Variants in ELFN1 observed in about 807,000 individuals in gnomAD.
The protein encoded by ELFN1 is protein ELFN1.
A neutral mutation model predicts 7.6 loss-of-function variants in ELFN1; 6 were observed. The observed-to-expected ratio is 0.79, with a 90% CI of 0.43 to 1.56. The LOEUF (loss-of-function observed/expected upper bound fraction) is 1.56. ELFN1 is among the 40% of genes most tolerant of loss of function. ELFN1 has a pLI of 0.01. For synonymous variants in ELFN1, 657 were observed against 588.1 expected, an observed-to-expected ratio of 1.12 and a Z score of -1.70; for missense variants, 1,169 against 1,232.2, an observed-to-expected ratio of 0.95 and a Z score of 0.77.
chr7:1,719,362 C>T (rs553755719), intron 3 of ELFN1, among the ~76,000 whole-genome samples: 9 of 149,610 alleles, frequency 6.0e-5, no homozygotes, highest in Admixed American at 1.3e-4. Context: ...GCCCCGCCCA[C>T]CAACAGGACC....
chr7:1,674,718 G>A (rs1278080561), intron 1 of ELFN1, among the ~76,000 whole-genome samples: 2 of 152,148 alleles, frequency 1.3e-5, no homozygotes, highest in Non-Finnish European at 2.9e-5. Context: ...AGAGACTGGT[G>A]GAAGGGACAG....
intron 2 of ELFN1, among the ~76,000 whole-genome samples, chr7:1,701,793 A>C (rs1475180084): frequency 6.6e-6 from 1 of 152,144 alleles, no homozygotes; most frequent in Non-Finnish European, 1.5e-5. Context: ...ACAGAGTGAG[A>C]CCCTATCTCA....
At chr7:1,668,105 G>A (rs1778699883), upstream of ELFN1, among the ~76,000 whole-genome samples, 1 of 152,140 alleles carries the variant, frequency 6.6e-6, no homozygotes, top group African/African-American at 2.4e-5. Flanking sequence ...CGCCTCCCAC[G>A]GCCCCGCGCG....
chr7:1,684,845 T>A (rs979371045), intron 1 of ELFN1, among the ~76,000 whole-genome samples: 9 of 152,220 alleles, frequency 5.9e-5, no homozygotes, highest in Non-Finnish European at 1.0e-4. Context: ...AAATATTGCT[T>A]TATACAATCT....
At chr7:1,693,767 C>T (rs1259276278) in intron 2 of ELFN1, 1 of 471,000 alleles carries the variant, frequency 2.1e-6, no homozygotes, top group South Asian at 1.5e-5. Context: ...CTGGGAGACC[C>T]TGATCAGTGC....
chr7:1,672,236 AGG>A (rs1397527718), intron 1 of ELFN1, among the ~76,000 whole-genome samples: 1 of 152,164 alleles, frequency 6.6e-6, no homozygotes, highest in Non-Finnish European at 1.5e-5. Context: ...CCAGGACCAG[AGG>A]AGGGGAGGGA....
intron 1 of ELFN1, among the ~76,000 whole-genome samples, chr7:1,678,808 C>T (rs1263957548): frequency 2.6e-5 from 4 of 152,222 alleles, no homozygotes; most frequent in African/African-American, 7.2e-5. Flanking sequence ...GGTGACTACC[C>T]GGCTTAGCGA....
chr7:1,698,897 C>T (rs1165178436), intron 2 of ELFN1, among the ~76,000 whole-genome samples: 1 of 152,152 alleles, frequency 6.6e-6, no homozygotes, highest in East Asian at 1.9e-4. Flanking sequence ...ACAAAACCAG[C>T]CCCCCGTGTC....
chr7:1,713,135 C>T (rs1213479387), intron 3 of ELFN1, among the ~76,000 whole-genome samples: 3 of 152,234 alleles, frequency 2.0e-5, no homozygotes, highest in Non-Finnish European at 4.4e-5. Context: ...CACCCCAGCC[C>T]CATAGCCTCC....
In ELFN1 at chr7:1,747,863, GA is replaced by G. The variant is rs1780852095; in HGVS notation, c.*787del. On this transcript the variant is annotated 3_prime_UTR_variant, in exon 4 of 4. Transcript: ENST00000424383. ...GCAATGTTTGCTGTAAAATGAGAAA[GA>G]AAAAAAGACTATGTCTACTAAAAAA... 1 of 85,192 alleles carries G rather than the reference GA, an allele frequency of 1.2e-5. No individual in the cohort carries two copies. Among genetic ancestry groups the G allele is most frequent in the South Asian group, 4.5e-4 (1 of 2,232 alleles). The allele number at this position is 85,192 out of a possible 1,614,324, so 5.3% of individuals were successfully genotyped here. A position where few individuals can be genotyped will look rare whatever the true frequency, so the allele number is the denominator to read the frequency against.
At chr7:1,689,049 C>T (rs1314470381) in intron 2 of ELFN1, among the ~76,000 whole-genome samples, 3 of 152,144 alleles carry the variant, frequency 2.0e-5, no homozygotes, top group East Asian at 3.8e-4. Context: ...ATCAAAGCAT[C>T]GTTAAGTCAG....
chr7:1,740,724 C>T lies in ELFN1; in HGVS notation c.-293-3580C>T, dbSNP rs899646209. 7.9e-5 allele frequency among the ~76,000 whole-genome samples: 12 copies of T among 152,216 alleles called. No homozygotes were observed. The East Asian group carries it at 1.2e-3, about 15-fold the overall frequency. ...CAGCACCTGTCCAGCCTCTCCCCCC[C>T]GGCCCCTGACAGGAGGCTGCACAGG... On this transcript the variant is annotated intron_variant, in intron 3 of 3. Transcript: ENST00000424383. The surrounding 1 kb of genome is among the most constrained non-coding windows in gnomAD (Gnocchi z 5.0).
chr7:1,679,524 AGGAGGGGAAACTGAGGCCCAGGCTGCT>A (rs1778936290), intron 1 of ELFN1, among the ~76,000 whole-genome samples: 1 of 152,158 alleles, frequency 6.6e-6, no homozygotes, highest in African/African-American at 2.4e-5. Context: ...AGGTTCAGGC[AGGAGGGGAAACTGAGGCCCAGGCTGCT>A]GCCTCAGCCC....
At chr7:1,680,094 A>G (rs1418822857) in intron 1 of ELFN1, among the ~76,000 whole-genome samples, 1 of 152,240 alleles carries the variant, frequency 6.6e-6, no homozygotes, top group Admixed American at 6.5e-5. Context: ...TCACCTACCC[A>G]GTGGACATTC....
At chr7:1,708,446 G>T (rs905292109) in intron 2 of ELFN1, among the ~76,000 whole-genome samples, 1 of 152,212 alleles carries the variant, frequency 6.6e-6, no homozygotes, top group African/African-American at 2.4e-5. Flanking sequence ...ACAGAGCTGC[G>T]CTTGGGCCTG....
chr7:1,723,515 A>G (rs966506659), intron 3 of ELFN1, among the ~76,000 whole-genome samples: 2 of 152,136 alleles, frequency 1.3e-5, no homozygotes, highest in Non-Finnish European at 2.9e-5. Flanking sequence ...TCACTGCTGC[A>G]TAGTACTCCA....
In ELFN1 at chr7:1,746,780, G is replaced by A; in HGVS notation, c.2184G>A (p.Glu728=). Residue 728 remains glutamate, a synonymous_variant, in exon 4 of 4, where the codon GAG becomes GAA. Transcript: ENST00000424383. The part of the protein sequence containing the change: ...PPGPPPPPPH[E]GLGRKASILE... ...GGCCACCGCCGCCGCCTCCGCACGA[G>A]GGCCTGGGGCGCAAGGCGTCCATCC... 2.0e-6 allele frequency: 3 copies of A among 1,519,314 alleles called. No homozygotes were observed. Among genetic ancestry groups the A allele is most frequent in the East Asian group, 2.6e-5 (1 of 38,932 alleles). The allele number at this position is 1,519,314 out of a possible 1,614,324, so 94.1% of individuals were successfully genotyped here.
At chr7:1,737,120 G>C (rs992968647) in intron 3 of ELFN1, among the ~76,000 whole-genome samples, 1 of 152,050 alleles carries the variant, frequency 6.6e-6, no homozygotes, top group Non-Finnish European at 1.5e-5. Flanking sequence ...CCCTCTCCCT[G>C]GGATGCCTGT....
chr7:1,684,006 T>G (rs1779018729), intron 1 of ELFN1, among the ~76,000 whole-genome samples: 1 of 152,046 alleles, frequency 6.6e-6, no homozygotes. Flanking sequence ...TTAAATTAGC[T>G]GGGCATGGTT....
Sources: gnomAD v4.1 joint callset for allele counts (sites outside exome capture counted in the v4.1 genomes callset) on GRCh38, gnomAD v4.1.1 for gene constraint, Gnocchi (gnomAD v3.1) non-coding constraint, MANE v1.5 for transcripts, NCBI Gene and HGNC (gene_info 2026-07-23, HGNC 2026-07-21) for gene names.